FOXP1: variants seen among roughly 807,000 people sequenced by gnomAD.
FOXP1 encodes forkhead box protein P1.
A neutral mutation model predicts 98.2 loss-of-function variants in FOXP1; 15 were observed. The observed-to-expected ratio is 0.15, with a 90% CI of 0.10 to 0.24. The LOEUF is 0.24. Ranked by LOEUF, FOXP1 falls within the 10% of genes least tolerant of loss-of-function variation. The pLI, the probability that FOXP1 is intolerant of heterozygous loss-of-function variation, is 1.00. For missense variants in FOXP1, 633 were observed against 848.5 expected (o/e 0.75, Z 3.15); for synonymous variants, 371 against 314.5 (o/e 1.18, Z -1.90).
chr3:71,267,735 G>C (rs2069841625), intron 5 of FOXP1, among the ~76,000 whole-genome samples: 2 of 152,114 alleles, frequency 1.3e-5, no homozygotes, highest in Admixed American at 6.5e-5. Flanking sequence ...TGTCTGTGTT[G>C]GGCCAGGCGC....
intron 7 of FOXP1, among the ~76,000 whole-genome samples, chr3:71,078,839 T>C (rs1009753188): frequency 3.3e-5 from 5 of 152,124 alleles, no homozygotes; most frequent in African/African-American, 9.7e-5. Context: ...TAGTCATAAA[T>C]AGTGGCAACT....
intron 3 of FOXP1, among the ~76,000 whole-genome samples, chr3:71,465,264 A>C (rs1338002736): frequency 6.6e-6 from 1 of 150,632 alleles, no homozygotes; most frequent in Non-Finnish European, 1.5e-5. Flanking sequence ...CCGAGATCAC[A>C]CCATTGCACT....
At chr3:71,035,617 TG>T (rs2047473447) in intron 11 of FOXP1, among the ~76,000 whole-genome samples, 2 of 152,236 alleles carry the variant, frequency 1.3e-5, no homozygotes, top group East Asian at 3.9e-4. Context: ...TGACTCATGT[TG>T]GCAGGAAGTA....
chr3:71,154,445 T>C (rs977359216), intron 6 of FOXP1, among the ~76,000 whole-genome samples: 1 of 152,202 alleles, frequency 6.6e-6, no homozygotes. Context: ...GCCTACTGTA[T>C]GAATTAGAAA....
chr3:71,429,498 G>T (rs1324355858), intron 3 of FOXP1, among the ~76,000 whole-genome samples: 6 of 135,228 alleles, frequency 4.4e-5, no homozygotes, highest in Non-Finnish European at 6.4e-5. Context: ...GGGCGGGAGG[G>T]GGGGTACTGA....
At chr3:71,316,310 C>T (rs559585565) in intron 4 of FOXP1, among the ~76,000 whole-genome samples, 3 of 152,206 alleles carry the variant, frequency 2.0e-5, no homozygotes, top group African/African-American at 7.2e-5. Flanking sequence ...GCCTCCTCCA[C>T]GGCATGGTGA....
intron 4 of FOXP1, among the ~76,000 whole-genome samples, chr3:71,346,792 T>TA (rs1018889696): frequency 2.0e-5 from 3 of 151,956 alleles, no homozygotes; most frequent in Middle Eastern, 3.4e-3. Flanking sequence ...AAAGCCCCAT[T>TA]AAAAAAAATT....
chr3:71,377,616 C>G (rs1390665619), intron 3 of FOXP1, among the ~76,000 whole-genome samples: 2 of 152,174 alleles, frequency 1.3e-5, no homozygotes, highest in Non-Finnish European at 2.9e-5. Context: ...TTTTTCCCAA[C>G]TTGGGTAATT....
intron 3 of FOXP1, among the ~76,000 whole-genome samples, chr3:71,385,762 C>T (rs7645749): frequency 0.41 from 62,209 of 151,948 alleles, 13,802 homozygotes; most frequent in Non-Finnish European, 0.5. Flanking sequence ...TTTTCTTTAT[C>T]TCCTAAGACT....
chr3:71,512,898 C>T (rs971113722), intron 2 of FOXP1, among the ~76,000 whole-genome samples: 3 of 152,176 alleles, frequency 2.0e-5, no homozygotes, highest in African/African-American at 7.2e-5. Context: ...AGCCCTACGG[C>T]TCAAGCACCA....
At position 71,253,412 on chromosome 3, in the gene FOXP1, A is replaced by G. The variant is rs1416877238; in HGVS notation, c.-12+46408T>C. 9.9e-5 allele frequency among the ~76,000 whole-genome samples: 15 copies of G among 152,144 alleles called. 1 individual carries two copies. Among genetic ancestry groups the G allele is most frequent in the Non-Finnish European group, 1.2e-4 (8 of 68,014 alleles). On this transcript the variant is annotated intron_variant, in intron 5 of 20. Transcript: ENST00000649528. ...GGAAATAATAGACGTGTTTAACTTT[A>G]GTGAGTTGTGGTGAGAATTAAATGA...
At position 71,454,366 on chromosome 3, in the gene FOXP1, ACAG is replaced by A. The variant is rs1560508688; in HGVS notation, c.-168+39057_-168+39059del. ...TTTGTGAAAATGCTCCTTAATGTTC[ACAG>A]ACGTGGTTACCCACTGAAGCAGGAG... On this transcript the variant is annotated intron_variant, in intron 3 of 20. Coordinates refer to ENST00000649528, the MANE Select transcript of FOXP1 (RefSeq NM_001349338.3). 2.0e-5 allele frequency among the ~76,000 whole-genome samples: 3 copies of A among 152,288 alleles called. No homozygotes were observed. In the East Asian group the frequency reaches 5.8e-4, roughly 29 times the overall value.
At chr3:71,466,898 T>C (rs1162688875) in intron 3 of FOXP1, among the ~76,000 whole-genome samples, 13 of 152,232 alleles carry the variant, frequency 8.5e-5, no homozygotes, top group Non-Finnish European at 2.9e-5. Flanking sequence ...CAAGTGATAC[T>C]TATCCTTGGA....
intron 6 of FOXP1, among the ~76,000 whole-genome samples, chr3:71,118,880 C>T (rs778335328): frequency 1.5e-4 from 23 of 152,128 alleles, no homozygotes; most frequent in Non-Finnish European, 2.9e-4. Flanking sequence ...TACTTTTGTG[C>T]TACAAACGGA....
intron 2 of FOXP1, among the ~76,000 whole-genome samples, chr3:71,507,582 C>CT (rs1209581927): frequency 0.022 from 3,195 of 144,366 alleles, 54 homozygotes; most frequent in Non-Finnish European, 0.034. Flanking sequence ...TGCAAAACTG[C>CT]TTTTTTTTTT....
intron 8 of FOXP1, among the ~76,000 whole-genome samples, 155 bp from the exon 9 acceptor site, chr3:71,052,781 A>G (rs1236255662): frequency 1.3e-5 from 2 of 152,228 alleles, no homozygotes; most frequent in South Asian, 2.1e-4. Flanking sequence ...TTCAGCGCAC[A>G]CTGACTATTC....
At chr3:71,281,780 C>G (rs1022589140) in intron 5 of FOXP1, among the ~76,000 whole-genome samples, 1 of 151,814 alleles carries the variant, frequency 6.6e-6, no homozygotes, top group Non-Finnish European at 1.5e-5. Context: ...ATGGCAATGG[C>G]TTGGCCTTTT....
At chr3:71,452,568 C>A (rs1407790048) in intron 3 of FOXP1, among the ~76,000 whole-genome samples, 1 of 152,156 alleles carries the variant, frequency 6.6e-6, no homozygotes, top group Non-Finnish European at 1.5e-5. Flanking sequence ...CCAAAGGAGG[C>A]TCTTGTTGTA....
intron 7 of FOXP1, chr3:71,065,025 C>CCCGCGCCGCGCCGCGCCGCGCCGCG (rs1315580222): frequency 2.8e-5 from 4 of 142,608 alleles, no homozygotes; most frequent in Non-Finnish European, 1.5e-5. Context: ...CTCTAAACAC[C>CCCGCGCCGCGCCGCGCCGCGCCGCG]CCGCGCCGCG....
Sources: allele counts gnomAD v4.1 joint callset (sites outside exome capture counted in the v4.1 genomes callset), GRCh38; gene constraint gnomAD v4.1.1; transcripts MANE v1.5; gene names NCBI Gene and HGNC (gene_info 2026-07-23, HGNC 2026-07-21).